KIDINS220: variants seen among roughly 807,000 people sequenced by gnomAD.
The protein encoded by KIDINS220 is kinase D-interacting substrate of 220 kDa.
KIDINS220 carries 63 observed loss-of-function variants against 157.6 expected under a neutral mutation model. The observed-to-expected ratio is 0.40, with a 90% CI of 0.33 to 0.49. The LOEUF (loss-of-function observed/expected upper bound fraction) is 0.49. Among genes scored for constraint, KIDINS220 ranks in the 20% least tolerant of loss-of-function variants. The pLI, the probability that KIDINS220 is intolerant of heterozygous loss-of-function variation, is 0.66. For synonymous variants in KIDINS220, 732 were observed against 783.6 expected (o/e 0.93, Z 1.10); for missense variants, 1,772 against 2,171.2 (o/e 0.82, Z 3.65).
In KIDINS220 at chr2:8,750,233, G is replaced by C; in HGVS notation, c.3293C>G (p.Pro1098Arg). The change falls in exon 24 of 30, where the codon CCC becomes CGC. Residue 1098 changes from proline to arginine, a missense_variant. Pro to Arg is a moderately radical substitution (Grantham distance 103). This residue lies in a region of KIDINS220 where 793 missense variants were observed against 885.5 expected (regional missense o/e 0.90). Coordinates refer to ENST00000256707, the MANE Select transcript of KIDINS220 (RefSeq NM_020738.4). ...GGACGTGGAAGAGCACACGGATGGG[G>C]GCTGGCTGTACCCTGATGGCGCCCT... ...PPRAPSGYSQ[P>R]PSVCSSTSFN... 1 of 1,614,044 alleles carries C rather than the reference G, an allele frequency of 6.2e-7. No homozygotes were observed. The highest frequency in any genetic ancestry group is 2.2e-5 in the East Asian group (1 of 44,868).
Position 8,802,946 on chromosome 2 carries a change from A to G in KIDINS220, c.785T>C (p.Val262Ala). 1 of 1,613,938 alleles carries G rather than the reference A, an allele frequency of 6.2e-7. No individual in the cohort carries two copies. The change falls in exon 8 of 30, where the codon GTG becomes GCG. Residue 262 changes from valine to alanine, a missense_variant. Transcript: ENST00000256707. The stretch of plus-strand genomic sequence containing the variant: ...ATGACCTACCCTGTCAGGTATGTTC[A>G]CATATGTTCCAGCGTCGAGCAGATC... ...VQDLLDAGTY[V>A]NIPDRSGDTV...
rs1401251106 is a variant in KIDINS220 at position 8,802,968 on chromosome 2, G to C, written c.763C>G (p.Leu255Val). ...KEGHTEIVQD[L>V]LDAGTYVNIP... Reference sequence around the variant, plus strand: ...TTCACATATGTTCCAGCGTCGAGCAGATCCTGCACAATCTCCGTATGTCCC... The same window carrying C: ...TTCACATATGTTCCAGCGTCGAGCACATCCTGCACAATCTCCGTATGTCCC... Residue 255 changes from leucine (L) to valine (V), a missense_variant, in exon 8 of 30, where the codon CTG (leucine) becomes GTG (valine). Transcript: ENST00000256707. 6.2e-7 allele frequency: 1 copy of C among 1,613,968 alleles called. No individual in the cohort carries two copies. The highest frequency in any genetic ancestry group is 8.5e-7 in the Non-Finnish European group (1 of 1,179,978).
intron 22 of KIDINS220, among the ~76,000 whole-genome samples, chr2:8,759,695 G>A (rs566689117): frequency 2.6e-5 from 4 of 151,774 alleles, no homozygotes; most frequent in Non-Finnish European, 4.4e-5. Flanking sequence ...TGTCTACGAC[G>A]TCGAATGTTC....
chr2:8,829,260 G>A (rs1679266951), intron 1 of KIDINS220, among the ~76,000 whole-genome samples: 2 of 152,226 alleles, frequency 1.3e-5, no homozygotes, highest in Admixed American at 6.5e-5. Context: ...ACAATCATTC[G>A]TTTGTCAAAA....
At position 8,747,889 on chromosome 2, in the gene KIDINS220, G is replaced by A; in HGVS notation, c.3526C>T (p.Leu1176=). ...TSLPRDQNNG[L]EVIKEDAAEG... ...GCGTTACCCTTTTATATACTTACTA[G>A]GCCATTGTTCTGATCTCTGGGCAAA... is the stretch of plus-strand genomic sequence containing the variant. The change falls in exon 25 of 30, where the codon CTA becomes TTA. Residue 1176 remains leucine (L), a splice_region_variant and synonymous_variant. Coordinates refer to ENST00000256707, the MANE Select transcript of KIDINS220 (RefSeq NM_020738.4). 1 of 1,566,592 alleles carries A rather than the reference G, an allele frequency of 6.4e-7. No individual in the cohort carries two copies. The highest frequency in any genetic ancestry group is 8.7e-7 in the Non-Finnish European group (1 of 1,151,452).
chr2:8,788,567 C>T, intron 15 of KIDINS220, 80 bp downstream of exon 15: 1 of 1,386,100 alleles, frequency 7.2e-7, no homozygotes, highest in Non-Finnish European at 9.9e-7. Context: ...CCACACCCGG[C>T]TCCTATAAAC....
Position 8,733,557 on chromosome 2 carries a change from G to A in KIDINS220, c.3940C>T (p.Pro1314Ser). Reference sequence around the variant, plus strand: ...GTCTGGCTGGAGAGCTCGGTGTGAGGCAGCTCGTTGTGGGAAGCGCGGCGA... The same window carrying A: ...GTCTGGCTGGAGAGCTCGGTGTGAGACAGCTCGTTGTGGGAAGCGCGGCGA... The part of the protein sequence containing the change: ...PARRASHNEL[P>S]HTELSSQTPY... The change falls in exon 29 of 30, where the codon CCT (proline) becomes TCT (serine). Residue 1314 changes from proline to serine, a missense_variant. Physicochemically the swap from Pro to Ser is moderately conservative, Grantham distance 74 (BLOSUM62 -1). This residue lies in a region of KIDINS220 where 793 missense variants were observed against 885.5 expected (regional missense o/e 0.90). Transcript: ENST00000256707. 1 of 1,614,100 alleles carries A rather than the reference G, an allele frequency of 6.2e-7. No homozygotes were observed. The highest frequency in any genetic ancestry group is 8.5e-7 in the Non-Finnish European group (1 of 1,180,020).
At chr2:8,792,970 T>TA (rs1451239838) in intron 12 of KIDINS220, among the ~76,000 whole-genome samples, 6 of 152,162 alleles carry the variant, frequency 3.9e-5, no homozygotes, top group Non-Finnish European at 7.4e-5. Context: ...ATATGACACT[T>TA]TAAGCTTTTG....
chr2:8,776,726 G>A (rs1280052548), intron 21 of KIDINS220, 22 bp downstream of exon 21: 1 of 1,603,398 alleles, frequency 6.2e-7, no homozygotes, highest in African/African-American at 1.3e-5. Context: ...AACTATCATA[G>A]ACAATAAGAG....
At chr2:8,737,221 AT>A (rs1484064482) in intron 26 of KIDINS220, 1 of 384,170 alleles carries the variant, frequency 2.6e-6, no homozygotes, top group African/African-American at 2.0e-5. Context: ...GGTCAAAACC[AT>A]TTTTTCTAAG....
At chr2:8,733,782 A>C in intron 28 of KIDINS220, 102 bp from the exon 29 acceptor site, 1 of 743,080 alleles carries the variant, frequency 1.3e-6, no homozygotes, top group Non-Finnish European at 2.1e-6. Context: ...TTGCAACAGC[A>C]ATGAGAAAGC....
intron 22 of KIDINS220, among the ~76,000 whole-genome samples, chr2:8,763,338 A>C (rs1399444039): frequency 6.6e-6 from 1 of 152,160 alleles, no homozygotes; most frequent in Non-Finnish European, 1.5e-5. Context: ...CAGATTTGGG[A>C]GTTTCGGCAG....
intron 6 of KIDINS220, among the ~76,000 whole-genome samples, chr2:8,810,425 C>G (rs929646589): frequency 6.6e-6 from 1 of 152,096 alleles, no homozygotes; most frequent in African/African-American, 2.4e-5. Context: ...GCCTTGAAAG[C>G]CAAGCTATAT....
At position 8,779,620 on chromosome 2, in the gene KIDINS220, T is replaced by A; in HGVS notation, c.2370+54A>T. 3.2e-6 allele frequency: 5 copies of A among 1,550,050 alleles called. No homozygotes were observed. The South Asian group carries it at 6.0e-5, about 19-fold the overall frequency. On this transcript the variant is annotated intron_variant, in intron 18 of 29. Coordinates refer to ENST00000256707, the MANE Select transcript of KIDINS220 (RefSeq NM_020738.4). ...TTTAGATATTTGTGAAGTCAAACATTCTCTCAAGTGCCACAACATAACAAT... is the reference window on the plus strand; with the variant it reads ...TTTAGATATTTGTGAAGTCAAACATACTCTCAAGTGCCACAACATAACAAT...
chr2:8,737,186 G>A (rs1409475474), intron 26 of KIDINS220, 187 bp from the exon 27 acceptor site: 4 of 540,808 alleles, frequency 7.4e-6, no homozygotes, highest in Non-Finnish European at 1.3e-5. Context: ...CTAATGAGTA[G>A]CTTTTATTAC....
chr2:8,779,165 T>C, intron 18 of KIDINS220, 26 bp from the exon 19 acceptor site: 1 of 1,605,348 alleles, frequency 6.2e-7, no homozygotes, highest in South Asian at 1.1e-5. Context: ...TGTACAGTTG[T>C]GACATACATT....
Position 8,736,859 on chromosome 2 carries a change from C to G in KIDINS220, c.3717+9G>C. 1 of 1,613,930 alleles carries G rather than the reference C, an allele frequency of 6.2e-7. No homozygotes were observed. Among genetic ancestry groups the G allele is most frequent in the Non-Finnish European group, 8.5e-7 (1 of 1,179,892 alleles). On this transcript the variant is annotated intron_variant, in intron 27 of 29. Transcript: ENST00000256707. Reference sequence around the variant, plus strand: ...CTGTCTCTGGTCCGTGTGTAAGTGGCTGCCTCACCTTTTTGATCGTGGTAC... The same window carrying G: ...CTGTCTCTGGTCCGTGTGTAAGTGGGTGCCTCACCTTTTTGATCGTGGTAC...
At chr2:8,747,244 G>A (rs369677862) in intron 25 of KIDINS220, 43 bp from the exon 26 acceptor site, 32 of 1,544,276 alleles carry the variant, frequency 2.1e-5, no homozygotes, top group Non-Finnish European at 2.9e-5. Context: ...AAGGGGAAGG[G>A]GGGAGCCAAA....
chr2:8,819,063 A>G (rs1381928747), intron 2 of KIDINS220, among the ~76,000 whole-genome samples: 1 of 152,238 alleles, frequency 6.6e-6, no homozygotes, highest in Non-Finnish European at 1.5e-5. Flanking sequence ...GTAAATATGA[A>G]TAACACTAGG....
Sources: gnomAD v4.1 joint callset for allele counts (sites outside exome capture counted in the v4.1 genomes callset) on GRCh38, gnomAD v4.1.1 for gene constraint, gnomAD v4.1.1 regional missense constraint, MANE v1.5 for transcripts, NCBI Gene and HGNC (gene_info 2026-07-23, HGNC 2026-07-21) for gene names.